Variants in GRM1 observed in about 807,000 individuals in gnomAD.
The protein encoded by GRM1 is metabotropic glutamate receptor 1.
A neutral mutation model predicts 90.9 loss-of-function variants in GRM1; 33 were observed. The ratio of observed to expected loss-of-function variants is 0.36; its 90% CI spans 0.28 to 0.49. The LOEUF is 0.49. Among genes scored for constraint, GRM1 ranks in the 20% least tolerant of loss-of-function variants. GRM1 has a pLI of 0.99. For synonymous variants in GRM1, 700 were observed against 613.2 expected, an observed-to-expected ratio of 1.14 and a Z score of -2.09; for missense variants, 1,190 against 1,534.3, an observed-to-expected ratio of 0.78 and a Z score of 3.75.
intron 1 of GRM1, among the ~76,000 whole-genome samples, chr6:146,095,663 A>G (rs1776850347): frequency 6.6e-6 from 1 of 152,094 alleles, no homozygotes; most frequent in Non-Finnish European, 1.5e-5. Flanking sequence ...TCATCTTTGT[A>G]TGCCTGATAG....
chr6:146,352,604 A>G, intron 4 of GRM1, 108 bp downstream of exon 4: 1 of 1,089,140 alleles, frequency 9.2e-7, no homozygotes, highest in South Asian at 1.2e-5. Context: ...CCATGAGGAT[A>G]GATACAACTA....
chr6:146,231,432 T>C (rs1780448328), intron 2 of GRM1, among the ~76,000 whole-genome samples: 2 of 152,120 alleles, frequency 1.3e-5, no homozygotes, highest in Admixed American at 6.6e-5. Context: ...ATGTTGAATA[T>C]GGTGAGAGTG....
Position 146,436,305 on chromosome 6 carries a change from T to C in GRM1, c.*1509T>C, listed in dbSNP as rs1179171261. 3 of 152,208 alleles carry C rather than the reference T, an allele frequency of 2.0e-5. No individual in the cohort carries two copies. The highest frequency in any genetic ancestry group is 2.1e-4 in the South Asian group (1 of 4,832). The allele number at this position is 152,208 out of a possible 1,614,324, so 9.4% of individuals were successfully genotyped here. A position where few individuals can be genotyped will look rare whatever the true frequency, so the allele number is the denominator to read the frequency against. ...TCAGATATTTTCTGATGTGGAGATA[T>C]GTTATTAATGAAGTGGTTTGAAAAT... On this transcript the variant is annotated 3_prime_UTR_variant, in exon 8 of 8. Transcript: ENST00000282753.
intron 7 of GRM1, among the ~76,000 whole-genome samples, chr6:146,430,598 G>A (rs900185698): frequency 2.6e-5 from 4 of 152,034 alleles, no homozygotes; most frequent in Non-Finnish European, 4.4e-5. Context: ...AAGTTATCTG[G>A]GATTAAATAA....
At chr6:146,139,872 G>GGTCCC in intron 1 of GRM1, among the ~76,000 whole-genome samples, 1 of 110,080 alleles carries the variant, frequency 9.1e-6, no homozygotes, top group South Asian at 2.6e-4. Context: ...TGGTTGCTTT[G>GGTCCC]TTCCCTTCCC....
chr6:146,034,860 A>G (rs1297820259), intron 1 of GRM1, among the ~76,000 whole-genome samples: 2 of 151,998 alleles, frequency 1.3e-5, no homozygotes, highest in African/African-American at 4.8e-5. Context: ...TTAAGTAAAG[A>G]TTTACTGCAT....
At chr6:146,218,051 GA>G (rs1779935076) in intron 2 of GRM1, among the ~76,000 whole-genome samples, 1 of 152,104 alleles carries the variant, frequency 6.6e-6, no homozygotes, top group South Asian at 2.1e-4. Context: ...TTTAGAGAAT[GA>G]AAAAAGTACC....
At chr6:146,321,509 G>C (rs1784187783) in intron 3 of GRM1, among the ~76,000 whole-genome samples, 1 of 152,138 alleles carries the variant, frequency 6.6e-6, no homozygotes, top group Admixed American at 6.5e-5. Context: ...CTGAGTTCAA[G>C]TCCTGAATAT....
chr6:146,374,159 G>A (rs931106574), intron 5 of GRM1, among the ~76,000 whole-genome samples: 1 of 31,934 alleles, frequency 3.1e-5, no homozygotes. Flanking sequence ...ATGATGTATC[G>A]GTATCGCATT....
intron 2 of GRM1, among the ~76,000 whole-genome samples, chr6:146,286,855 A>G (rs1048613341): frequency 3.9e-5 from 6 of 152,194 alleles, no homozygotes; most frequent in Non-Finnish European, 2.9e-5. Context: ...TCTTGTATAG[A>G]TTTTTATGAA....
chr6:146,200,992 T>A (rs1779280922), intron 2 of GRM1, among the ~76,000 whole-genome samples: 1 of 152,150 alleles, frequency 6.6e-6, no homozygotes, highest in South Asian at 2.1e-4. Context: ...ATTCCCCATG[T>A]CTCAGGGCAG....
In GRM1 at chr6:146,181,525, C is replaced by T. The variant is rs1778554248; in HGVS notation, c.950+21928C>T. Among the ~76,000 whole-genome samples the T allele has an allele frequency of 2.0e-5, 3 of 152,166 alleles. No individual in the cohort carries two copies. In the South Asian group the frequency reaches 6.2e-4, roughly 32 times the overall value. On this transcript the variant is annotated intron_variant, in intron 2 of 7. Coordinates refer to ENST00000282753, the MANE Select transcript of GRM1 (RefSeq NM_001278064.2). Reference sequence around the variant, plus strand: ...ATATAAGTTCACTCTGCCATGATTACTGTTGTATTTTGAATATACCTACAG... The same window carrying T: ...ATATAAGTTCACTCTGCCATGATTATTGTTGTATTTTGAATATACCTACAG...
chr6:146,175,813 T>C (rs1250813472), intron 2 of GRM1, among the ~76,000 whole-genome samples: 1 of 152,090 alleles, frequency 6.6e-6, no homozygotes, highest in African/African-American at 2.4e-5. Context: ...ATCTTCCCTA[T>C]AGTTGATAGG....
At chr6:146,431,992 T>G (rs2114691739) in intron 7 of GRM1, among the ~76,000 whole-genome samples, 1 of 152,334 alleles carries the variant, frequency 6.6e-6, no homozygotes, top group South Asian at 2.1e-4. Context: ...GCTAGCTGGT[T>G]GACTACCTGT....
chr6:146,302,431 G>T (rs1171380148), intron 2 of GRM1, among the ~76,000 whole-genome samples: 1 of 151,200 alleles, frequency 6.6e-6, no homozygotes, highest in African/African-American at 2.4e-5. Context: ...GAGTGCAGTG[G>T]CAAGATCATG....
At chr6:146,190,185 G>A (rs755764325) in intron 2 of GRM1, among the ~76,000 whole-genome samples, 1 of 152,160 alleles carries the variant, frequency 6.6e-6, no homozygotes, top group Non-Finnish European at 1.5e-5. Context: ...TGCCTGAGAA[G>A]CACCAAAGAA....
chr6:146,252,579 A>T (rs910831465), intron 2 of GRM1, among the ~76,000 whole-genome samples: 6 of 150,982 alleles, frequency 4.0e-5, no homozygotes, highest in African/African-American at 1.5e-4. Flanking sequence ...CCGACACTGC[A>T]CTACAGCCTG....
chr6:146,323,176 C>T (rs1012062291), intron 3 of GRM1, among the ~76,000 whole-genome samples: 2 of 152,154 alleles, frequency 1.3e-5, no homozygotes, highest in Non-Finnish European at 2.9e-5. Context: ...GGAATCGCCA[C>T]AGTGGTTGAA....
At chr6:146,285,817 T>C (rs1782747404) in intron 2 of GRM1, among the ~76,000 whole-genome samples, 1 of 152,200 alleles carries the variant, frequency 6.6e-6, no homozygotes, top group Admixed American at 6.5e-5. Flanking sequence ...TGTTCGCTCC[T>C]CTGCTAGAAT....
Sources: gnomAD v4.1 joint callset for allele counts (sites outside exome capture counted in the v4.1 genomes callset) on GRCh38, gnomAD v4.1.1 for gene constraint, MANE v1.5 for transcripts, NCBI Gene and HGNC (gene_info 2026-07-23, HGNC 2026-07-21) for gene names.